Variants in AGBL4 observed in about 807,000 individuals in gnomAD.
AGBL4 encodes the protein AGBL carboxypeptidase 4, also known as cytosolic carboxypeptidase 6.
Under a neutral mutation model 66.4 loss-of-function variants are expected in AGBL4, and 58 were observed. The ratio of observed to expected loss-of-function variants is 0.87; its 90% CI spans 0.71 to 1.09. The LOEUF (loss-of-function observed/expected upper bound fraction) is 1.09, where lower values mean the gene tolerates loss of function less well. Ranked by LOEUF, AGBL4 falls within the 50% of genes least tolerant of loss-of-function variation. The pLI, the probability that AGBL4 is intolerant of heterozygous loss-of-function variation, is 0.00. For missense variants in AGBL4, 579 were observed against 631.0 expected, an observed-to-expected ratio of 0.92 and a Z score of 0.88; for synonymous variants, 234 against 222.9, an observed-to-expected ratio of 1.05 and a Z score of -0.44.
At chr1:49,880,843 T>C (rs1400016528) in intron 1 of AGBL4, among the ~76,000 whole-genome samples, 1 of 151,918 alleles carries the variant, frequency 6.6e-6, no homozygotes, top group Non-Finnish European at 1.5e-5. Flanking sequence ...CCGAGCCAGG[T>C]GTGGGATATA....
chr1:49,129,292 T>TTTG (rs149296212), intron 4 of AGBL4, among the ~76,000 whole-genome samples: 3 of 151,458 alleles, frequency 2.0e-5, no homozygotes, highest in African/African-American at 7.3e-5. Flanking sequence ...TTTTGTTTTT[T>TTTG]TTGTTGTTGT....
At chr1:49,870,539 A>C (rs1036723649) in intron 1 of AGBL4, among the ~76,000 whole-genome samples, 1 of 151,242 alleles carries the variant, frequency 6.6e-6, no homozygotes, top group African/African-American at 2.4e-5. Context: ...GTATCAAAAC[A>C]TCTCGTGTGC....
intron 3 of AGBL4, among the ~76,000 whole-genome samples, chr1:49,517,145 C>T (rs145928653): frequency 6.6e-6 from 1 of 151,728 alleles, no homozygotes; most frequent in African/African-American, 2.4e-5. Context: ...TCACAAAGCT[C>T]ACCTTTGCAT....
At chr1:48,792,635 G>T (rs1392270363) in intron 6 of AGBL4, among the ~76,000 whole-genome samples, 1 of 152,192 alleles carries the variant, frequency 6.6e-6, no homozygotes, top group Non-Finnish European at 1.5e-5. Flanking sequence ...GGAAGCTGGG[G>T]AAGGTTTTCT....
chr1:49,659,848 A>G (rs1459946008), intron 3 of AGBL4, among the ~76,000 whole-genome samples: 1 of 152,184 alleles, frequency 6.6e-6, no homozygotes, highest in African/African-American at 2.4e-5. Flanking sequence ...TTACTCTAAA[A>G]TCAATCACAT....
At chr1:49,041,372 G>A (rs1038365476) in intron 5 of AGBL4, among the ~76,000 whole-genome samples, 2 of 152,128 alleles carry the variant, frequency 1.3e-5, no homozygotes, top group Non-Finnish European at 2.9e-5. Context: ...TCAAGGTCCA[G>A]AACAGAGGAT....
intron 2 of AGBL4, among the ~76,000 whole-genome samples, chr1:49,839,809 A>C (rs942243545): frequency 1.3e-5 from 2 of 152,322 alleles, no homozygotes; most frequent in East Asian, 3.9e-4. Flanking sequence ...TTTAATTACA[A>C]AAAGAGGGAA....
At chr1:49,154,190 T>A (rs538484328) in intron 4 of AGBL4, among the ~76,000 whole-genome samples, 1 of 152,034 alleles carries the variant, frequency 6.6e-6, no homozygotes, top group South Asian at 2.1e-4. Flanking sequence ...GGCAGCAAGT[T>A]GTTACATCAG....
chr1:49,207,542 T>TTCTTTCTTTC (rs1648288037), intron 4 of AGBL4, among the ~76,000 whole-genome samples: 10 of 78,026 alleles, frequency 1.3e-4, no homozygotes, highest in African/African-American at 4.9e-4. Context: ...TTTTTCTTTC[T>TTCTTTCTTTC]TTTCTTTCTT....
chr1:49,501,607 T>G (rs1052193221), intron 3 of AGBL4, among the ~76,000 whole-genome samples: 6 of 152,096 alleles, frequency 3.9e-5, no homozygotes, highest in Admixed American at 1.3e-4. Flanking sequence ...CTCAGTTTCA[T>G]TGATTTATTA....
intron 2 of AGBL4, among the ~76,000 whole-genome samples, chr1:49,830,313 G>T (rs534557543): frequency 6.6e-5 from 10 of 151,974 alleles, no homozygotes; most frequent in Non-Finnish European, 1.0e-4. Context: ...CATTCTAACT[G>T]CCATGATGTG....
intron 6 of AGBL4, among the ~76,000 whole-genome samples, chr1:48,766,717 G>C (rs1007306450): frequency 6.6e-6 from 1 of 152,172 alleles, no homozygotes; most frequent in Non-Finnish European, 1.5e-5. Flanking sequence ...GGGGGATTTC[G>C]AGGCTCCTCT....
chr1:49,914,870 G>C (rs1030454948), intron 1 of AGBL4, among the ~76,000 whole-genome samples: 1 of 151,958 alleles, frequency 6.6e-6, no homozygotes, highest in South Asian at 2.1e-4. Context: ...AGAGCAAAAG[G>C]GCCCATAAGA....
chr1:49,697,454 A>T lies in AGBL4; in HGVS notation c.158-17T>A. 6.7e-7 allele frequency: 1 copy of T among 1,493,348 alleles called. No individual in the cohort carries two copies. The highest frequency in any genetic ancestry group is 1.3e-5 in the South Asian group (1 of 77,848). 92.5% of individuals were successfully genotyped at this position (1,493,348 alleles called of 1,614,324 possible). ...CCAGGTTACCTGGTAATAAAAATTA[A>T]GAGAATTGGATTTTAATAGAAGTTC... On this transcript the variant is annotated splice_polypyrimidine_tract_variant and intron_variant, in intron 2 of 13. Transcript: ENST00000371839.
intron 5 of AGBL4, among the ~76,000 whole-genome samples, chr1:48,893,403 C>T (rs908703431): frequency 6.6e-6 from 1 of 151,890 alleles, no homozygotes; most frequent in East Asian, 1.9e-4. Flanking sequence ...GACTCCAGGC[C>T]GGGCGTGGTG....
At chr1:49,097,183 C>A (rs1645121760) in intron 4 of AGBL4, among the ~76,000 whole-genome samples, 1 of 152,200 alleles carries the variant, frequency 6.6e-6, no homozygotes, top group East Asian at 1.9e-4. Context: ...CCCAACAGAA[C>A]TGCATACATA....
chr1:49,693,967 A>G (rs1292553348), intron 3 of AGBL4, among the ~76,000 whole-genome samples: 1 of 152,142 alleles, frequency 6.6e-6, no homozygotes, highest in African/African-American at 2.4e-5. Context: ...TTGAGCAACT[A>G]CTTTTACGGG....
chr1:49,090,316 A>G (rs1286333065), intron 4 of AGBL4, among the ~76,000 whole-genome samples: 1 of 152,206 alleles, frequency 6.6e-6, no homozygotes, highest in Non-Finnish European at 1.5e-5. Flanking sequence ...TGCAGACTAT[A>G]TAATTCTATA....
chr1:49,402,196 T>C (rs1645100484), intron 3 of AGBL4, among the ~76,000 whole-genome samples: 1 of 152,296 alleles, frequency 6.6e-6, no homozygotes, highest in East Asian at 1.9e-4. Flanking sequence ...CTGATGCTTG[T>C]TATTCCTTTT....
Sources: gnomAD v4.1 joint callset for allele counts (sites outside exome capture counted in the v4.1 genomes callset) on GRCh38, gnomAD v4.1.1 for gene constraint, MANE v1.5 for transcripts, NCBI Gene and HGNC (gene_info 2026-07-23, HGNC 2026-07-21) for gene names.